Variants in LATS2 observed in about 807,000 individuals in gnomAD.
The protein encoded by LATS2 is large tumor suppressor kinase 2.
LATS2 carries 24 observed loss-of-function variants against 76.0 expected under a neutral mutation model. The observed-to-expected ratio is 0.32, with a 90% CI of 0.23 to 0.44. The LOEUF (loss-of-function observed/expected upper bound fraction) is 0.44. Ranked by LOEUF, LATS2 falls within the 20% of genes least tolerant of loss-of-function variation. LATS2 has a pLI of 1.00. For synonymous variants in LATS2, 692 were observed against 635.4 expected (o/e 1.09, Z -1.34); for missense variants, 1,286 against 1,481.2 (o/e 0.87, Z 2.16).
intron 2 of LATS2, among the ~76,000 whole-genome samples, chr13:21,013,910 G>A (rs1871694478): frequency 6.6e-6 from 1 of 152,070 alleles, no homozygotes; most frequent in African/African-American, 2.4e-5. Context: ...GATTGAGGCT[G>A]CAGTGAGCTA....
At chr13:21,047,423 G>C (rs1391438236) in intron 1 of LATS2, among the ~76,000 whole-genome samples, 2 of 152,174 alleles carry the variant, frequency 1.3e-5, no homozygotes, top group Non-Finnish European at 2.9e-5. Context: ...CTCTAACCCA[G>C]GGAAGGTGCC....
intron 4 of LATS2, among the ~76,000 whole-genome samples, chr13:20,986,997 A>G (rs1870176320): frequency 6.6e-6 from 1 of 152,182 alleles, no homozygotes; most frequent in African/African-American, 2.4e-5. Context: ...GTTCGAGACC[A>G]GTCTGACCAA....
In LATS2 at chr13:21,039,478, C is replaced by T. The variant is rs532785845; in HGVS notation, c.342+6207G>A. 3.4e-4 allele frequency among the ~76,000 whole-genome samples: 51 copies of T among 152,234 alleles called. 1 individual carries two copies. Among genetic ancestry groups the T allele is most frequent in the African/African-American group, 1.2e-3 (50 of 41,528 alleles). On this transcript the variant is annotated intron_variant, in intron 2 of 7. Coordinates refer to ENST00000382592, the MANE Select transcript of LATS2 (RefSeq NM_014572.3). Reference sequence around the variant, plus strand: ...TTTCTCTATAGCTTTTTTGGTGATGCATATTGTTAGAATTAAGCCAAATAA... The same window carrying T: ...TTTCTCTATAGCTTTTTTGGTGATGTATATTGTTAGAATTAAGCCAAATAA...
chr13:21,013,193 G>A (rs1385543672), intron 2 of LATS2, among the ~76,000 whole-genome samples: 1 of 152,170 alleles, frequency 6.6e-6, no homozygotes, highest in African/African-American at 2.4e-5. Context: ...GCTTAGGTGA[G>A]TTAGGCCCAT....
chr13:21,052,852 G>A (rs1045174826), intron 1 of LATS2, among the ~76,000 whole-genome samples: 5 of 152,176 alleles, frequency 3.3e-5, no homozygotes, highest in Admixed American at 6.5e-5. Flanking sequence ...TCAAACAGCA[G>A]GTCTGGGTTG....
chr13:21,009,180 T>C (rs2138337876), intron 2 of LATS2, among the ~76,000 whole-genome samples: 1 of 152,242 alleles, frequency 6.6e-6, no homozygotes, highest in East Asian at 1.9e-4. Context: ...AACGAACAAA[T>C]GAATGAATGA....
intron 2 of LATS2, among the ~76,000 whole-genome samples, chr13:20,998,877 G>C (rs923359839): frequency 1.1e-4 from 17 of 151,658 alleles, no homozygotes; most frequent in Admixed American, 9.8e-4. Flanking sequence ...ACGACCTTGT[G>C]CACGCGGGGC....
At chr13:21,032,868 C>T (rs1872578379) in intron 2 of LATS2, among the ~76,000 whole-genome samples, 1 of 151,992 alleles carries the variant, frequency 6.6e-6, no homozygotes, top group Non-Finnish European at 1.5e-5. Flanking sequence ...CTTCAGGGGG[C>T]GACAGCATGA....
At chr13:20,986,268 G>A (rs897972466) in intron 4 of LATS2, among the ~76,000 whole-genome samples, 1 of 152,090 alleles carries the variant, frequency 6.6e-6, no homozygotes, top group African/African-American at 2.4e-5. Context: ...CCCATTATTG[G>A]GTATTTATCT....
At chr13:21,058,531 A>T (rs1337160245) in intron 1 of LATS2, among the ~76,000 whole-genome samples, 1 of 151,790 alleles carries the variant, frequency 6.6e-6, no homozygotes, top group South Asian at 2.1e-4. Context: ...CCACCAAAAG[A>T]AAGCCCCTCC....
chr13:20,989,404 G>T, intron 3 of LATS2, 100 bp from the exon 4 acceptor site: 3 of 1,269,696 alleles, frequency 2.4e-6, no homozygotes, highest in East Asian at 2.4e-5. Flanking sequence ...CCTCGGGGCT[G>T]AGGGTCTTGA....
chr13:21,047,644 C>T (rs998604731), intron 1 of LATS2, among the ~76,000 whole-genome samples: 27 of 151,926 alleles, frequency 1.8e-4, no homozygotes, highest in Middle Eastern at 3.4e-3. Flanking sequence ...GTTTAGCTTC[C>T]GTAAGGAACT....
chr13:21,056,149 T>TG (rs199759999), intron 1 of LATS2, among the ~76,000 whole-genome samples: 105 of 151,332 alleles, frequency 6.9e-4, no homozygotes, highest in African/African-American at 1.0e-3. Flanking sequence ...TTTTTTTTGG[T>TG]GGGGGGGGCA....
chr13:21,032,715 G>T (rs1235688989), intron 2 of LATS2, among the ~76,000 whole-genome samples: 1 of 152,180 alleles, frequency 6.6e-6, no homozygotes, highest in Non-Finnish European at 1.5e-5. Flanking sequence ...GCCTACCATG[G>T]TTCCCTGGAT....
chr13:21,042,103 G>A (rs1872898923), intron 2 of LATS2, among the ~76,000 whole-genome samples: 1 of 152,028 alleles, frequency 6.6e-6, no homozygotes, highest in African/African-American at 2.4e-5. Flanking sequence ...TATATTTAAA[G>A]AGCAGCTCCT....
Position 20,981,462 on chromosome 13 carries a change from G to A in LATS2, c.2665+4C>T, listed in dbSNP as rs951968494. 6.2e-7 allele frequency: 1 copy of A among 1,612,184 alleles called. No individual in the cohort carries two copies. The highest frequency in any genetic ancestry group is 1.1e-5 in the South Asian group (1 of 90,878). ...TGCGGGGTGGCTGGCCATGGCGCAT[G>A]TACCTTTGCGGAGGAGCACCTCGGG... On this transcript the variant is annotated splice_donor_region_variant and intron_variant, in intron 6 of 7. Coordinates refer to ENST00000382592, the MANE Select transcript of LATS2 (RefSeq NM_014572.3).
chr13:21,008,478 T>C lies in LATS2; in HGVS notation c.343-17074A>G, dbSNP rs182203607. 1.1e-3 allele frequency among the ~76,000 whole-genome samples: 165 copies of C among 152,260 alleles called. 1 individual carries two copies. The highest frequency in any genetic ancestry group is 0.01 in the Middle Eastern group (3 of 294). ...TAACGCTAAATGTAGGTATTTATGT[T>C]TCACCAAACCAGGAGACTGGTTTGG... is the stretch of plus-strand genomic sequence containing the variant. On this transcript the variant is annotated intron_variant, in intron 2 of 7. Transcript: ENST00000382592.
chr13:21,054,949 G>A (rs920649356), intron 1 of LATS2, among the ~76,000 whole-genome samples: 1 of 152,162 alleles, frequency 6.6e-6, no homozygotes, highest in African/African-American at 2.4e-5. Flanking sequence ...CACTAGTCTA[G>A]GGATACCACA....
At position 20,976,118 on chromosome 13, in the gene LATS2, G is replaced by A. The variant is rs894853956; in HGVS notation, c.2773-754C>T. Among the ~76,000 whole-genome samples, 24 of 150,404 alleles carry A rather than the reference G, an allele frequency of 1.6e-4. No individual in the cohort carries two copies. In the Admixed American group the frequency reaches 1.6e-3, roughly 10 times the overall value. On this transcript the variant is annotated intron_variant, in intron 7 of 7. Coordinates refer to ENST00000382592, the MANE Select transcript of LATS2 (RefSeq NM_014572.3). ...CTCAACTGCACAAACCAGCCATCTG[G>A]ACGTTCAGTAAATGCACTTGTTGTA... is the stretch of plus-strand genomic sequence containing the variant.
Sources: allele counts gnomAD v4.1 joint callset (sites outside exome capture counted in the v4.1 genomes callset), GRCh38; gene constraint gnomAD v4.1.1; transcripts MANE v1.5; gene names NCBI Gene and HGNC (gene_info 2026-07-23, HGNC 2026-07-21).